Variants in PCDHA8 observed in about 807,000 individuals in gnomAD.
The protein encoded by PCDHA8 is protocadherin alpha 8.
Under a neutral mutation model 61.8 loss-of-function variants are expected in PCDHA8, and 53 were observed. That is an observed-to-expected ratio of 0.86 (90% CI 0.69 to 1.08). The LOEUF is 1.08. Among genes scored for constraint, PCDHA8 ranks in the 50% least tolerant of loss-of-function variants. The pLI, the probability that PCDHA8 is intolerant of heterozygous loss-of-function variation, is 0.00. For synonymous variants in PCDHA8, 618 were observed against 556.6 expected (o/e 1.11, Z -1.55); for missense variants, 1,293 against 1,245.0 (o/e 1.04, Z -0.58).
At chr5:140,928,204 G>A (rs1554205615) in intron 1 of PCDHA8, 4 of 1,614,236 alleles carry the variant, frequency 2.5e-6, no homozygotes, top group Middle Eastern at 1.6e-4. Flanking sequence ...AGTTGCTGAT[G>A]TGAATGACAA....
Position 140,852,971 on chromosome 5 carries a change from C to T in PCDHA8, c.2394+9256C>T, listed in dbSNP as rs563659563. Reference sequence around the variant, plus strand: ...TTGGCTCACTCCAAGCTCCCCCTCCCGTGTTCACGCCATTCTCCTGCCTCA... The same window carrying T: ...TTGGCTCACTCCAAGCTCCCCCTCCTGTGTTCACGCCATTCTCCTGCCTCA... On this transcript the variant is annotated intron_variant, in intron 1 of 3. Coordinates refer to ENST00000531613, the MANE Select transcript of PCDHA8 (RefSeq NM_018911.3). 23 of 376,480 alleles carry T rather than the reference C, an allele frequency of 6.1e-5. 1 individual carries two copies. The highest frequency in any genetic ancestry group is 5.5e-4 in the South Asian group (5 of 9,156). 23.3% of individuals were successfully genotyped at this position (376,480 alleles called of 1,614,324 possible).
intron 1 of PCDHA8, among the ~76,000 whole-genome samples, chr5:140,977,005 A>C (rs982594376): frequency 3.3e-5 from 5 of 152,156 alleles, no homozygotes; most frequent in Non-Finnish European, 5.9e-5. Flanking sequence ...AAATCTTGTA[A>C]CTGTGATTCT....
intron 1 of PCDHA8, chr5:140,865,380 G>C (rs1429077853): frequency 6.6e-6 from 1 of 152,142 alleles, no homozygotes; most frequent in Non-Finnish European, 1.5e-5. Context: ...TTATAGGTAG[G>C]GTAAAGTTAA....
At chr5:140,996,495 G>A (rs2097728470) in intron 3 of PCDHA8, among the ~76,000 whole-genome samples, 2 of 152,156 alleles carry the variant, frequency 1.3e-5, no homozygotes, top group South Asian at 4.1e-4. Context: ...GGCAAGTCTG[G>A]CTTCTTGGGG....
Position 140,974,863 on chromosome 5 carries a change from G to A in PCDHA8, c.2395-4086G>A, listed in dbSNP as rs559374442. On this transcript the variant is annotated intron_variant, in intron 1 of 3. Coordinates refer to ENST00000531613, the MANE Select transcript of PCDHA8 (RefSeq NM_018911.3). ...ATGTTATATTCCCTTTTGCCTTAAT[G>A]CGGAACAGTCTATGTATCCCTTTTC... Among the ~76,000 whole-genome samples, 14 of 152,198 alleles carry A rather than the reference G, an allele frequency of 9.2e-5. No homozygotes were observed. The South Asian group carries it at 2.9e-3, about 32-fold the overall frequency.
intron 1 of PCDHA8, chr5:140,967,449 C>T (rs2096141880): frequency 1.2e-6 from 2 of 1,613,586 alleles, no homozygotes; most frequent in Non-Finnish European, 1.7e-6. Context: ...CTGGTTCTCA[C>T]AGCCGTGGAT....
chr5:140,927,136 G>A (rs2083883058), intron 1 of PCDHA8: 3 of 1,613,986 alleles, frequency 1.9e-6, no homozygotes, highest in African/African-American at 2.7e-5. Flanking sequence ...AGAGCCGGCG[G>A]ACCGCGAACA....
Position 140,856,227 on chromosome 5 carries a change from A to C in PCDHA8, c.2394+12512A>C, listed in dbSNP as rs149352769. 4,605 of 1,597,986 alleles carry C rather than the reference A, an allele frequency of 2.9e-3. 355 individuals carry two copies. The highest frequency in any genetic ancestry group is 0.01 in the Middle Eastern group (60 of 5,808). ...GGGCTGGAGCTGGCGGAGCTGGTGC[A>C]GCGCCTGTTCCGGGTGGCGTCCAAA... On this transcript the variant is annotated intron_variant, in intron 1 of 3. Transcript: ENST00000531613.
intron 1 of PCDHA8, chr5:140,966,805 T>C (rs1554228690): frequency 6.5e-7 from 1 of 1,545,566 alleles, no homozygotes; most frequent in South Asian, 1.2e-5. Flanking sequence ...CGACAGAGCA[T>C]CCACGGCTCC....
intron 1 of PCDHA8, chr5:140,968,040 G>A: frequency 1.2e-6 from 2 of 1,614,162 alleles, no homozygotes; most frequent in African/African-American, 1.3e-5. Context: ...GTGGTGAGCG[G>A]CCCACTGGAC....
In PCDHA8 at chr5:140,858,087, G is replaced by A. The variant is rs782702941; in HGVS notation, c.2394+14372G>A. On this transcript the variant is annotated intron_variant, in intron 1 of 3. Coordinates refer to ENST00000531613, the MANE Select transcript of PCDHA8 (RefSeq NM_018911.3). Reference sequence around the variant, plus strand: ...AGCCAGGCACCCAAGGCCTCGTCGCGGGCTTCAGTGGGCGTGGCGCCCGAG... The same window carrying A: ...AGCCAGGCACCCAAGGCCTCGTCGCAGGCTTCAGTGGGCGTGGCGCCCGAG... The A allele has an allele frequency of 4.1e-5, 66 of 1,597,710 alleles. 5 individuals carry two copies. Among genetic ancestry groups the A allele is most frequent in the Non-Finnish European group, 5.3e-5 (62 of 1,167,710 alleles).
intron 3 of PCDHA8, among the ~76,000 whole-genome samples, chr5:141,003,540 T>C (rs2098129225): frequency 6.6e-6 from 1 of 152,188 alleles, no homozygotes; most frequent in Non-Finnish European, 1.5e-5. Flanking sequence ...CTTGAACTCC[T>C]GGCTTCAAGT....
chr5:140,884,457 G>A, intron 1 of PCDHA8: 1 of 1,613,758 alleles, frequency 6.2e-7, no homozygotes, highest in Non-Finnish European at 8.5e-7. Flanking sequence ...CCCACCGAGG[G>A]CGCGTGCGCG....
intron 1 of PCDHA8, chr5:140,927,797 C>T (rs1554205063): frequency 6.2e-7 from 1 of 1,614,196 alleles, no homozygotes; most frequent in Non-Finnish European, 8.5e-7. Context: ...CTAGGTCCGC[C>T]TGAAACGCTC....
intron 3 of PCDHA8, among the ~76,000 whole-genome samples, chr5:141,000,395 CTATATA>C (rs1190667031): frequency 5.7e-4 from 31 of 53,962 alleles, no homozygotes; most frequent in Admixed American, 2.5e-3. Flanking sequence ...CTCTCTCTCT[CTATATA>C]TATATATATA....
intron 3 of PCDHA8, among the ~76,000 whole-genome samples, chr5:140,997,372 A>G (rs2097768557): frequency 6.6e-6 from 1 of 152,208 alleles, no homozygotes; most frequent in Non-Finnish European, 1.5e-5. Context: ...CCTAGATGAT[A>G]TAGCATACTA....
intron 1 of PCDHA8, chr5:140,967,425 C>A (rs1218574888): frequency 1.2e-6 from 2 of 1,613,178 alleles, no homozygotes; most frequent in Non-Finnish European, 1.7e-6. Context: ...CGGGAGCAGG[C>A]AGCCTTGCAC....
chr5:140,842,777 G>T lies in PCDHA8; in HGVS notation c.1456G>T (p.Glu486Ter), dbSNP rs2150343988. Residue 486 changes from glutamate to a stop codon, truncating the protein, a stop_gained, in exon 1 of 4, where the codon GAG becomes TAG. Coordinates refer to ENST00000531613, the MANE Select transcript of PCDHA8 (RefSeq NM_018911.3). LOFTEE classifies it high-confidence loss of function. ...TVSARDADAQ[E>*]NALVSYSLVE... is the part of the protein sequence containing the mutation. Reference sequence around the variant, plus strand: ...GTCTGCGCGAGACGCGGACGCGCAGGAGAACGCGCTGGTGTCCTACTCGCT... The same window carrying T: ...GTCTGCGCGAGACGCGGACGCGCAGTAGAACGCGCTGGTGTCCTACTCGCT... The T allele has an allele frequency of 6.3e-7, 1 of 1,594,618 alleles. No homozygotes were observed. Among genetic ancestry groups the T allele is most frequent in the Non-Finnish European group, 8.6e-7 (1 of 1,165,420 alleles).
rs782803893 is a variant in PCDHA8, at chr5:140,927,898, C to G, written c.2395-51051C>G. 3.1e-6 allele frequency: 5 copies of G among 1,614,230 alleles called. No individual in the cohort carries two copies. In the South Asian group the frequency reaches 4.4e-5, roughly 14 times the overall value. On this transcript the variant is annotated intron_variant, in intron 1 of 3. Coordinates refer to ENST00000531613, the MANE Select transcript of PCDHA8 (RefSeq NM_018911.3). Reference sequence around the variant, plus strand: ...GGTGGAGGTGACTGACGTGAACGATCATGCCCCCGAACTGGACTTCCTGAC... The same window carrying G: ...GGTGGAGGTGACTGACGTGAACGATGATGCCCCCGAACTGGACTTCCTGAC...
Sources: allele counts gnomAD v4.1 joint callset (sites outside exome capture counted in the v4.1 genomes callset), GRCh38; gene constraint gnomAD v4.1.1; transcripts MANE v1.5; gene names NCBI Gene and HGNC (gene_info 2026-07-23, HGNC 2026-07-21).